The following HYCC1 variants were observed in gnomAD, a reference collection of about 807,000 sequenced individuals.
HYCC1 encodes hyccin.
the HYCC1 span, among the ~76,000 whole-genome samples, chr7:22,899,822 A>G: frequency 6.6e-6 from 1 of 152,218 alleles, no homozygotes; most frequent in South Asian, 2.1e-4. Context: ...GAACTAGTCA[A>G]TGGCCCAAAT....
chr7:23,002,162 A>ATATATATATATAAT, the HYCC1 span, among the ~76,000 whole-genome samples: 1 of 35,486 alleles, frequency 2.8e-5, no homozygotes, highest in Non-Finnish European at 5.1e-5. Context: ...ATATATATAT[A>ATATATATATATAAT]TATATATATA....
At chr7:22,999,006 T>C in the HYCC1 span, among the ~76,000 whole-genome samples, 563 of 152,278 alleles carry the variant, frequency 3.7e-3, 4 homozygotes, top group African/African-American at 0.013. Flanking sequence ...TAGGAAAAAC[T>C]TGGGGCTCTT....
chr7:22,979,058 T>C, the HYCC1 span, among the ~76,000 whole-genome samples: 17 of 152,318 alleles, frequency 1.1e-4, 1 homozygote, highest in South Asian at 3.5e-3. Flanking sequence ...CACAAGGTAC[T>C]GTTCACAAGG....
chr7:22,950,829 G>A, the HYCC1 span, among the ~76,000 whole-genome samples: 1 of 151,382 alleles, frequency 6.6e-6, no homozygotes, highest in Non-Finnish European at 1.5e-5. Context: ...TAATAAAATA[G>A]ATTTTGTTTT....
the HYCC1 span, among the ~76,000 whole-genome samples, chr7:23,001,668 T>C: frequency 6.6e-6 from 1 of 152,114 alleles, no homozygotes; most frequent in Admixed American, 6.6e-5. Context: ...TGCCACTTGC[T>C]AGCATGTGGT....
chr7:22,987,247 T>C, the HYCC1 span, among the ~76,000 whole-genome samples: 1 of 152,180 alleles, frequency 6.6e-6, no homozygotes, highest in Non-Finnish European at 1.5e-5. Context: ...ATCATTTAGT[T>C]GGTACATAAA....
chr7:22,899,109 C>T, the HYCC1 span, among the ~76,000 whole-genome samples: 1 of 152,158 alleles, frequency 6.6e-6, no homozygotes, highest in Admixed American at 6.5e-5. Flanking sequence ...CCAGGGGCAT[C>T]TGGTGGTTGG....
At chr7:22,990,985 C>CA in the HYCC1 span, 2 of 998,470 alleles carry the variant, frequency 2.0e-6, no homozygotes, top group South Asian at 2.6e-5. Flanking sequence ...ATATAAAATA[C>CA]AAAAATCACT....
chr7:22,957,197 T>C, the HYCC1 span, among the ~76,000 whole-genome samples: 480 of 151,980 alleles, frequency 3.2e-3, 3 homozygotes, highest in African/African-American at 0.011. Context: ...TCTAATTTAA[T>C]GTATTTGTCG....
At chr7:22,993,129 G>GGA in the HYCC1 span, among the ~76,000 whole-genome samples, 3 of 152,152 alleles carry the variant, frequency 2.0e-5, no homozygotes, top group African/African-American at 7.2e-5. Flanking sequence ...CTGAAATTCA[G>GGA]TGAGGAAAGG....
chr7:22,951,261 T>G, the HYCC1 span, among the ~76,000 whole-genome samples: 3 of 151,964 alleles, frequency 2.0e-5, no homozygotes, highest in African/African-American at 7.2e-5. Flanking sequence ...TTGCTTTTAT[T>G]TGTTTTATGG....
At chr7:22,913,443 G>C in the HYCC1 span, among the ~76,000 whole-genome samples, 3 of 152,194 alleles carry the variant, frequency 2.0e-5, no homozygotes, top group Non-Finnish European at 4.4e-5. Flanking sequence ...CCTCCTAGGA[G>C]TCATACCCGG....
the HYCC1 span, among the ~76,000 whole-genome samples, chr7:22,898,599 CTTTTCT>C: frequency 0.37 from 34,036 of 91,194 alleles, 4,024 homozygotes; most frequent in Non-Finnish European, 0.42. Flanking sequence ...CTTTTCTTTT[CTTTTCT>C]TTTTTTTTTT....
the HYCC1 span, chr7:22,977,443 T>C: frequency 1.5e-6 from 2 of 1,301,552 alleles, no homozygotes; most frequent in East Asian, 2.3e-5. Context: ...AAAGAAAATA[T>C]ATTAAAATAC....
chr7:22,964,106 T>C, the HYCC1 span, among the ~76,000 whole-genome samples: 2 of 139,330 alleles, frequency 1.4e-5, no homozygotes, highest in Non-Finnish European at 1.6e-5. Flanking sequence ...TTGGAAATTA[T>C]AGCAAAAAAA....
chr7:22,931,814 G>A, the HYCC1 span, among the ~76,000 whole-genome samples: 1 of 152,174 alleles, frequency 6.6e-6, no homozygotes, highest in African/African-American at 2.4e-5. Flanking sequence ...ACTGAATTGT[G>A]TTCTAGATTT....
the HYCC1 span, among the ~76,000 whole-genome samples, chr7:22,987,217 A>C: frequency 6.6e-6 from 1 of 152,234 alleles, no homozygotes; most frequent in Admixed American, 6.5e-5. Flanking sequence ...GAAATCTTAA[A>C]ATAATGAAGT....
chr7:22,968,728 C>T, the HYCC1 span, among the ~76,000 whole-genome samples: 1 of 152,130 alleles, frequency 6.6e-6, no homozygotes, highest in Non-Finnish European at 1.5e-5. Flanking sequence ...GTGGCTCACA[C>T]CTGTAATCTC....
chr7:22,929,959 T>C, the HYCC1 span, among the ~76,000 whole-genome samples: 2 of 151,928 alleles, frequency 1.3e-5, no homozygotes, highest in Non-Finnish European at 2.9e-5. Context: ...CCAACAATGA[T>C]AGACTGGATT....
Sources: allele counts gnomAD v4.1 joint callset (sites outside exome capture counted in the v4.1 genomes callset), GRCh38; gene constraint gnomAD v4.1.1; transcripts MANE v1.5; gene names NCBI Gene and HGNC (gene_info 2026-07-23, HGNC 2026-07-21).